Variants in TMCC1 observed in about 807,000 individuals in gnomAD.
TMCC1 encodes transmembrane and coiled-coil domains protein 1.
Under a neutral mutation model 52.4 loss-of-function variants are expected in TMCC1, and 15 were observed. That is an observed-to-expected ratio of 0.29 (90% confidence interval 0.19 to 0.44). TMCC1 has a LOEUF of 0.44. Among genes scored for constraint, TMCC1 ranks in the 20% least tolerant of loss-of-function variants. The probability of loss-of-function intolerance (pLI) is 1.00; values close to 1 mark genes in which losing one functional copy is unlikely to be tolerated. For synonymous variants in TMCC1, 279 were observed against 301.9 expected, an observed-to-expected ratio of 0.92 and a Z score of 0.79; for missense variants, 503 against 806.0, an observed-to-expected ratio of 0.62 and a Z score of 4.55.
intron 4 of TMCC1, among the ~76,000 whole-genome samples, chr3:129,675,638 A>G (rs2088356230): frequency 6.6e-6 from 1 of 152,246 alleles, no homozygotes; most frequent in Admixed American, 6.5e-5. Flanking sequence ...AGTGAACCAA[A>G]GGAATAATGT....
chr3:129,655,598 C>A (rs2086618823), intron 5 of TMCC1, among the ~76,000 whole-genome samples: 1 of 152,166 alleles, frequency 6.6e-6, no homozygotes, highest in South Asian at 2.1e-4. Flanking sequence ...GGTCCATCAT[C>A]CCCATGGCCA....
At chr3:129,787,185 G>A (rs572556982) in intron 4 of TMCC1, among the ~76,000 whole-genome samples, 139 of 152,270 alleles carry the variant, frequency 9.1e-4, no homozygotes, top group Non-Finnish European at 1.7e-3. Context: ...CTTCAGAGAG[G>A]TGAAATGACT....
intron 2 of TMCC1, among the ~76,000 whole-genome samples, chr3:129,862,256 T>C (rs1467794836): frequency 6.6e-6 from 1 of 152,144 alleles, no homozygotes; most frequent in Non-Finnish European, 1.5e-5. Flanking sequence ...AGAGTTTCTT[T>C]TGGGGGTGAT....
chr3:129,772,351 A>G (rs2054659677), intron 4 of TMCC1, among the ~76,000 whole-genome samples: 1 of 151,992 alleles, frequency 6.6e-6, no homozygotes, highest in South Asian at 2.1e-4. Flanking sequence ...CAAAAAAAAG[A>G]AAAGAAAATT....
chr3:129,654,028 C>G (rs530473985), intron 6 of TMCC1, among the ~76,000 whole-genome samples: 1 of 152,120 alleles, frequency 6.6e-6, no homozygotes, highest in South Asian at 2.1e-4. Context: ...ACACCTCCCC[C>G]CAACCCCCCC....
intron 4 of TMCC1, among the ~76,000 whole-genome samples, chr3:129,797,189 G>A (rs2107763138): frequency 6.6e-6 from 1 of 152,246 alleles, no homozygotes; most frequent in Non-Finnish European, 1.5e-5. Context: ...AGCTGGGTGT[G>A]CTGGCAGGCA....
In TMCC1 at chr3:129,742,962, T is replaced by C. The variant is rs921674971; in HGVS notation, c.577-71698A>G. Among the ~76,000 whole-genome samples, 9 of 152,178 alleles carry C rather than the reference T, an allele frequency of 5.9e-5. No homozygotes were observed. The East Asian group carries it at 1.5e-3, about 26-fold the overall frequency. On this transcript the variant is annotated intron_variant, in intron 4 of 6. Coordinates refer to ENST00000393238, the MANE Select transcript of TMCC1 (RefSeq NM_001017395.5). The stretch of plus-strand genomic sequence containing the variant: ...ACGACATATTGTATGATTCCCTTTA[T>C]AGAAGATGTCCAGAATAGGCAAATC...
chr3:129,719,788 A>G (rs1256675182), intron 4 of TMCC1, among the ~76,000 whole-genome samples: 1 of 152,130 alleles, frequency 6.6e-6, no homozygotes, highest in Non-Finnish European at 1.5e-5. Context: ...CTTCAAAGGC[A>G]CATCTGATTT....
At chr3:129,885,564 G>A (rs1287396153) in intron 1 of TMCC1, among the ~76,000 whole-genome samples, 6 of 152,142 alleles carry the variant, frequency 3.9e-5, no homozygotes, top group Non-Finnish European at 8.8e-5. Context: ...CAGCTTGGGT[G>A]AGACAGAGAG....
At chr3:129,784,260 T>C (rs2055788414) in intron 4 of TMCC1, among the ~76,000 whole-genome samples, 1 of 152,086 alleles carries the variant, frequency 6.6e-6, no homozygotes, top group Non-Finnish European at 1.5e-5. Flanking sequence ...TCATAAGGTT[T>C]ATATCGGGGT....
rs1457840229 is a variant in TMCC1, at chr3:129,893,618, C to T, written c.-559G>A. On this transcript the variant is annotated 5_prime_UTR_variant, in exon 1 of 7. Coordinates refer to ENST00000393238, the MANE Select transcript of TMCC1 (RefSeq NM_001017395.5). The stretch of plus-strand genomic sequence containing the variant: ...CCACAACCACCCCCCCCTCCCGACC[C>T]TCCCCCCGCGCCGCCTCAGCCGCCG... 1 of 152,532 alleles carries T rather than the reference C, an allele frequency of 6.6e-6. No homozygotes were observed. Among genetic ancestry groups the T allele is most frequent in the African/African-American group, 2.4e-5 (1 of 41,278 alleles). The allele number at this position is 152,532 out of a possible 1,614,324, so 9.4% of individuals were successfully genotyped here.
chr3:129,771,934 T>C (rs1220311624), intron 4 of TMCC1, among the ~76,000 whole-genome samples: 4 of 152,080 alleles, frequency 2.6e-5, no homozygotes, highest in Non-Finnish European at 5.9e-5. Flanking sequence ...TGAATTACAT[T>C]AGTGGCAATG....
At chr3:129,883,433 T>G (rs968431234) in intron 1 of TMCC1, among the ~76,000 whole-genome samples, 1 of 152,100 alleles carries the variant, frequency 6.6e-6, no homozygotes, top group Non-Finnish European at 1.5e-5. Flanking sequence ...GGCAACATGG[T>G]GAGGCCCCAT....
chr3:129,882,393 G>A (rs1577212542), intron 1 of TMCC1, among the ~76,000 whole-genome samples: 1 of 151,758 alleles, frequency 6.6e-6, no homozygotes, highest in Non-Finnish European at 1.5e-5. Context: ...TGGAGAAAGT[G>A]GAACCCTTGT....
intron 4 of TMCC1, among the ~76,000 whole-genome samples, chr3:129,767,014 C>A (rs969300893): frequency 2.0e-5 from 3 of 151,878 alleles, no homozygotes; most frequent in African/African-American, 7.2e-5. Flanking sequence ...GTAATCCCAG[C>A]ACTTTGGGAG....
intron 2 of TMCC1, among the ~76,000 whole-genome samples, chr3:129,848,912 G>C (rs2107893663): frequency 6.9e-6 from 1 of 145,492 alleles, no homozygotes; most frequent in South Asian, 2.1e-4. Flanking sequence ...TCTACTAATT[G>C]TTGGTCCTTG....
intron 2 of TMCC1, among the ~76,000 whole-genome samples, chr3:129,860,167 A>G (rs2060323181): frequency 6.6e-6 from 1 of 152,208 alleles, no homozygotes; most frequent in Admixed American, 6.5e-5. Context: ...CTTACTAAGA[A>G]CCACCTACAT....
chr3:129,756,912 T>C (rs1469284544), intron 4 of TMCC1, among the ~76,000 whole-genome samples: 1 of 152,194 alleles, frequency 6.6e-6, no homozygotes, highest in African/African-American at 2.4e-5. Context: ...TGTATGGTAC[T>C]ATAGGATACA....
chr3:129,841,788 A>C (rs2059432785), intron 2 of TMCC1, among the ~76,000 whole-genome samples: 1 of 152,222 alleles, frequency 6.6e-6, no homozygotes, highest in African/African-American at 2.4e-5. Flanking sequence ...AGTTCTCACA[A>C]GATCTGATGG....
Sources: gnomAD v4.1 joint callset for allele counts (sites outside exome capture counted in the v4.1 genomes callset) on GRCh38, gnomAD v4.1.1 for gene constraint, MANE v1.5 for transcripts, NCBI Gene and HGNC (gene_info 2026-07-23, HGNC 2026-07-21) for gene names.